The following SEZ6 variants were observed in gnomAD, a reference collection of about 807,000 sequenced individuals.
The protein encoded by SEZ6 is seizure related 6 homolog.
Under a neutral mutation model 101.0 loss-of-function variants are expected in SEZ6, and 53 were observed. The observed-to-expected ratio is 0.52, with a 90% CI of 0.42 to 0.66. The LOEUF is 0.66. Ranked by LOEUF, SEZ6 falls within the 30% of genes least tolerant of loss-of-function variation. The pLI is 0.00. For missense variants in SEZ6, 1,102 were observed against 1,289.4 expected (o/e 0.85, Z 2.23); for synonymous variants, 488 against 512.2 (o/e 0.95, Z 0.64).
chr17:28,974,354 C>A (rs1164458885), intron 3 of SEZ6, among the ~76,000 whole-genome samples: 1 of 152,114 alleles, frequency 6.6e-6, no homozygotes, highest in Non-Finnish European at 1.5e-5. Context: ...TGCACTTCCA[C>A]CCCCTGGCAG....
At chr17:28,999,862 G>A (rs2041591786) in intron 1 of SEZ6, among the ~76,000 whole-genome samples, 1 of 152,186 alleles carries the variant, frequency 6.6e-6, no homozygotes, top group African/African-American at 2.4e-5. Context: ...AGGGACCATA[G>A]TTCACCTGAC....
chr17:28,988,736 T>C (rs943742906), intron 1 of SEZ6, among the ~76,000 whole-genome samples: 2 of 152,252 alleles, frequency 1.3e-5, no homozygotes, highest in African/African-American at 2.4e-5. Context: ...GCACCTCCTC[T>C]TGGCCAGGCT....
intron 1 of SEZ6, among the ~76,000 whole-genome samples, chr17:28,999,168 T>C (rs1203537545): frequency 2.0e-5 from 3 of 152,088 alleles, no homozygotes; most frequent in Non-Finnish European, 4.4e-5. Flanking sequence ...GAGAGAGCCA[T>C]CTGGGCTGGG....
Position 28,959,744 on chromosome 17 carries a change from A to G in SEZ6, c.1725T>C (p.Val575=). 6.2e-7 allele frequency: 1 copy of G among 1,611,332 alleles called. No individual in the cohort carries two copies. The highest frequency in any genetic ancestry group is 1.1e-5 in the South Asian group (1 of 90,778). Residue 575 remains valine, a synonymous_variant, in exon 8 of 17, where the codon GTT becomes GTC. Transcript: ENST00000317338. This position sits in a 1 kb window ranked among gnomAD's most constrained non-coding sequence, Gnocchi z 4.4. ...CATTCCACTGGGGGTCGTGGGGGTCAACACACTCGATGATGATGGAGCCCT... is the reference window on the plus strand; with the variant it reads ...CATTCCACTGGGGGTCGTGGGGGTCGACACACTCGATGATGATGGAGCCCT... ...LEQGSIIIEC[V]DPHDPQWNET...
rs759372349 is a variant in SEZ6 at position 28,959,434 on chromosome 17, C to G, written c.1810G>C (p.Val604Leu). 3.1e-6 allele frequency: 5 copies of G among 1,613,670 alleles called. No homozygotes were observed. In the Admixed American group the frequency reaches 8.3e-5, roughly 27 times the overall value. The change falls in exon 9 of 17, where the codon GTA becomes CTA. Residue 604 changes from valine to leucine, a missense_variant. Val to Leu is a conservative substitution (Grantham distance 32). This residue lies in a region of SEZ6 where 556 missense variants were observed against 735.1 expected (regional missense o/e 0.76). Coordinates refer to ENST00000317338, the MANE Select transcript of SEZ6 (RefSeq NM_178860.5). The surrounding 1 kb of genome is among the most constrained non-coding windows in gnomAD (Gnocchi z 4.4). ...SGEITDSAGV[V>L]LSPNWPEPYG... ...GGCTCTGGCCAGTTGGGAGAGAGTACCACGCCAGCCGAGTCTGTGATCTCC... is the reference window on the plus strand; with the variant it reads ...GGCTCTGGCCAGTTGGGAGAGAGTAGCACGCCAGCCGAGTCTGTGATCTCC...
At chr17:28,974,766 A>ACTG (rs2041199910) in intron 3 of SEZ6, among the ~76,000 whole-genome samples, 1 of 152,196 alleles carries the variant, frequency 6.6e-6, no homozygotes, top group Non-Finnish European at 1.5e-5. Context: ...AGAATCAGGC[A>ACTG]GGGCTGACTG....
In SEZ6 at chr17:28,981,488, C is replaced by G; in HGVS notation, c.607G>C (p.Gly203Arg). 6.3e-7 allele frequency: 1 copy of G among 1,599,694 alleles called. No individual in the cohort carries two copies. Among genetic ancestry groups the G allele is most frequent in the Non-Finnish European group, 8.5e-7 (1 of 1,172,940 alleles). Reference protein sequence around the residue: ...RPWVAEVVSQGAGIGIQGTIT... With the variant: ...RPWVAEVVSQRAGIGIQGTIT... ...GTCCCCTGGATCCCGATCCCTGCGC[C>G]CTGGGACACAACCTCTGCAACCCAC... is the stretch of plus-strand genomic sequence containing the variant. The change falls in exon 2 of 17, where the codon GGC becomes CGC. Residue 203 changes from glycine to arginine, a missense_variant. Physicochemically the swap from Gly to Arg is moderately radical, Grantham distance 125. This residue lies in a region of SEZ6 where 406 missense variants were observed against 418.6 expected (regional missense o/e 0.97). Transcript: ENST00000317338.
chr17:28,967,097 A>C (rs2041082439), intron 4 of SEZ6, among the ~76,000 whole-genome samples: 1 of 152,144 alleles, frequency 6.6e-6, no homozygotes, highest in Admixed American at 6.5e-5. Flanking sequence ...TATTACATCC[A>C]AGGTTGTGGA....
chr17:28,987,969 G>A (rs1482702685), intron 1 of SEZ6, among the ~76,000 whole-genome samples: 1 of 152,164 alleles, frequency 6.6e-6, no homozygotes, highest in Non-Finnish European at 1.5e-5. Context: ...TCCCCACCAA[G>A]CTGGACACCA....
chr17:28,999,600 C>T (rs1426263896), intron 1 of SEZ6, among the ~76,000 whole-genome samples: 1 of 152,220 alleles, frequency 6.6e-6, no homozygotes, highest in Admixed American at 6.5e-5. Context: ...CAACAACACT[C>T]TGCCTGTGGC....
At chr17:28,956,117 C>G (rs1040323280) in intron 16 of SEZ6, 42 bp downstream of exon 16, 3 of 1,596,422 alleles carry the variant, frequency 1.9e-6, no homozygotes, top group African/African-American at 2.7e-5. Flanking sequence ...AAGCAAAGAA[C>G]TGGGTCTTGG....
Position 28,959,167 on chromosome 17 carries a change from C to T in SEZ6, c.1965G>A (p.Thr655=), listed in dbSNP as rs144291532. The T allele has an allele frequency of 7.5e-5, 121 of 1,613,636 alleles. No homozygotes were observed. The East Asian group carries it at 1.9e-3, about 25-fold the overall frequency. ...CTGAGTACTGGCCCAGAACCCGGGCCGTCAGGTCATCCCCATCATAGAAGG... is the reference window on the plus strand; with the variant it reads ...CTGAGTACTGGCCCAGAACCCGGGCTGTCAGGTCATCCCCATCATAGAAGG... ...VLTFYDGDDL[T]ARVLGQYSGP... The change falls in exon 10 of 17, where the codon ACG becomes ACA. Residue 655 remains threonine, a synonymous_variant. Coordinates refer to ENST00000317338, the MANE Select transcript of SEZ6 (RefSeq NM_178860.5). This position sits in a 1 kb window ranked among gnomAD's most constrained non-coding sequence, Gnocchi z 4.4.
At chr17:28,960,712 C>G in intron 6 of SEZ6, 41 bp from the exon 7 acceptor site, 1 of 1,612,204 alleles carries the variant, frequency 6.2e-7, no homozygotes, top group Non-Finnish European at 8.5e-7. Context: ...TGGTGGCTGA[C>G]CCAGATGGGG....
rs141461955 is a variant in SEZ6 at position 28,956,969 on chromosome 17, G to C, written c.2692+76C>G. The C allele has an allele frequency of 6.2e-4, 902 of 1,464,872 alleles. 11 individuals are homozygous for C. The East Asian group carries it at 0.019, about 31-fold the overall frequency. 90.7% of individuals were successfully genotyped at this position (1,464,872 alleles called of 1,614,324 possible). A position where few individuals can be genotyped will look rare whatever the true frequency, so the allele number is the denominator to read the frequency against. On this transcript the variant is annotated intron_variant, in intron 13 of 16. Coordinates refer to ENST00000317338, the MANE Select transcript of SEZ6 (RefSeq NM_178860.5). ...AAGGTGGCATGGGCAGGTGGTTCTG[G>C]TTCTAAACATTGGACATCTTTGCCA...
At chr17:28,968,048 G>C (rs993039254) in intron 4 of SEZ6, among the ~76,000 whole-genome samples, 1 of 152,136 alleles carries the variant, frequency 6.6e-6, no homozygotes, top group African/African-American at 2.4e-5. Context: ...TTGGTCTTGC[G>C]ATAAGGCCCT....
intron 2 of SEZ6, among the ~76,000 whole-genome samples, chr17:28,980,918 CAG>C (rs2041291447): frequency 6.6e-6 from 1 of 152,134 alleles, no homozygotes; most frequent in African/African-American, 2.4e-5. Flanking sequence ...TTTTTTGAGA[CAG>C]AGTCTCGCTC....
intron 1 of SEZ6, among the ~76,000 whole-genome samples, chr17:28,986,071 C>T (rs551774767): frequency 2.6e-4 from 40 of 152,388 alleles, no homozygotes; most frequent in African/African-American, 9.6e-4. Context: ...CGCCCCCAGC[C>T]CTGGCATGGC....
At chr17:29,001,698 G>A (rs1429042884) in intron 1 of SEZ6, among the ~76,000 whole-genome samples, 1 of 152,220 alleles carries the variant, frequency 6.6e-6, no homozygotes, top group Admixed American at 6.5e-5. Flanking sequence ...GCCTGGCTGG[G>A]TGGGTCGGCT....
intron 1 of SEZ6, among the ~76,000 whole-genome samples, chr17:29,000,144 T>C (rs1438602152): frequency 2.6e-5 from 4 of 152,238 alleles, no homozygotes; most frequent in South Asian, 4.1e-4. Flanking sequence ...GTTGGTACCA[T>C]ATAAATGTTT....
Sources: allele counts gnomAD v4.1 joint callset (sites outside exome capture counted in the v4.1 genomes callset), GRCh38; gene constraint gnomAD v4.1.1; regional missense constraint gnomAD v4.1.1; non-coding constraint Gnocchi (gnomAD v3.1); transcripts MANE v1.5; gene names NCBI Gene and HGNC (gene_info 2026-07-23, HGNC 2026-07-21).